Variants in HEPACAM2 observed in about 807,000 individuals in gnomAD.
HEPACAM2 encodes the protein HEPACAM family member 2.
Under a neutral mutation model 49.6 loss-of-function variants are expected in HEPACAM2, and 49 were observed. The observed-to-expected ratio is 0.99, with a 90% CI of 0.78 to 1.25. The LOEUF is 1.25. HEPACAM2 is among the 50% of genes most tolerant of loss of function. HEPACAM2 has a pLI of 0.00. For synonymous variants in HEPACAM2, 197 were observed against 202.9 expected, an observed-to-expected ratio of 0.97 and a Z score of 0.25; for missense variants, 525 against 557.2, an observed-to-expected ratio of 0.94 and a Z score of 0.58.
intron 4 of HEPACAM2, among the ~76,000 whole-genome samples, chr7:93,198,421 G>C (rs1167390722): frequency 6.6e-6 from 1 of 152,054 alleles, no homozygotes. Flanking sequence ...GTTATAAGTG[G>C]TAGAATCCAG....
chr7:93,192,856 C>T (rs965756282), intron 8 of HEPACAM2, among the ~76,000 whole-genome samples: 8 of 151,916 alleles, frequency 5.3e-5, no homozygotes, highest in African/African-American at 1.9e-4. Flanking sequence ...ATGTGGAACA[C>T]TCAAAGGAAA....
chr7:93,219,551 A>G, intron 1 of HEPACAM2, 100 bp from the exon 2 acceptor site: 2 of 1,559,264 alleles, frequency 1.3e-6, no homozygotes, highest in Non-Finnish European at 1.7e-6. Context: ...AATCCTTTTC[A>G]AAGAAGAGTG....
intron 7 of HEPACAM2, among the ~76,000 whole-genome samples, chr7:93,196,955 A>G (rs1376900710): frequency 1.3e-5 from 2 of 152,122 alleles, no homozygotes; most frequent in African/African-American, 4.8e-5. Context: ...CTTTGATCCT[A>G]CTGACTGTGG....
chr7:93,214,996 A>G (rs1794265674), intron 3 of HEPACAM2, among the ~76,000 whole-genome samples: 1 of 152,208 alleles, frequency 6.6e-6, no homozygotes, highest in South Asian at 2.1e-4. Context: ...TTTACAAGAG[A>G]AGAATAAAGT....
chr7:93,211,413 C>G (rs1794174277), intron 3 of HEPACAM2, among the ~76,000 whole-genome samples: 1 of 152,000 alleles, frequency 6.6e-6, no homozygotes, highest in East Asian at 1.9e-4. Flanking sequence ...GACACAGTCT[C>G]AGGTGAAACC....
intron 4 of HEPACAM2, among the ~76,000 whole-genome samples, chr7:93,204,324 C>CTCTATCTATCTA (rs67856013): frequency 2.5e-4 from 37 of 147,656 alleles, no homozygotes; most frequent in East Asian, 4.1e-4. Flanking sequence ...CATAAACATT[C>CTCTATCTATCTA]TCTATCTATC....
chr7:93,220,279 G>T (rs1794422040), intron 1 of HEPACAM2, among the ~76,000 whole-genome samples: 1 of 152,210 alleles, frequency 6.6e-6, no homozygotes, highest in Non-Finnish European at 1.5e-5. Flanking sequence ...TAGGGCTAGA[G>T]CAGGAACAGG....
At chr7:93,220,268 A>G (rs772600341) in intron 1 of HEPACAM2, among the ~76,000 whole-genome samples, 1 of 152,222 alleles carries the variant, frequency 6.6e-6, no homozygotes, top group Non-Finnish European at 1.5e-5. Context: ...ATACACAGGA[A>G]TAGGGCTAGA....
At chr7:93,198,219 A>G (rs1284867556) in intron 4 of HEPACAM2, among the ~76,000 whole-genome samples, 2 of 152,136 alleles carry the variant, frequency 1.3e-5, no homozygotes, top group Non-Finnish European at 2.9e-5. Context: ...ACTAGAATTC[A>G]CTTTGTTTTA....
At chr7:93,195,242 A>C (rs1407391726) in intron 8 of HEPACAM2, among the ~76,000 whole-genome samples, 1 of 152,002 alleles carries the variant, frequency 6.6e-6, no homozygotes, top group Non-Finnish European at 1.5e-5. Flanking sequence ...GTATTTATTT[A>C]TTTGAGACAG....
At chr7:93,229,607 C>A (rs1249926628), upstream of HEPACAM2, among the ~76,000 whole-genome samples, 2 of 152,158 alleles carry the variant, frequency 1.3e-5, no homozygotes, top group African/African-American at 2.4e-5. Flanking sequence ...TGAATCAGAT[C>A]AATTTACTTA....
At chr7:93,203,874 A>C (rs1174758258) in intron 4 of HEPACAM2, among the ~76,000 whole-genome samples, 21 of 152,088 alleles carry the variant, frequency 1.4e-4, no homozygotes, top group Admixed American at 1.4e-3. Context: ...TGCCACGTTG[A>C]GGAGTGTGCC....
chr7:93,226,256 T>TC (rs1219489219), intron 1 of HEPACAM2, 112 bp downstream of exon 1: 2 of 719,288 alleles, frequency 2.8e-6, no homozygotes, highest in Non-Finnish European at 2.4e-6. Context: ...TCTGACCTGC[T>TC]CTTCAATTAT....
Position 93,189,249 on chromosome 7 carries a change from T to C in HEPACAM2, c.*18A>G. 1 of 1,591,718 alleles carries C rather than the reference T, an allele frequency of 6.3e-7. No homozygotes were observed. The highest frequency in any genetic ancestry group is 8.6e-7 in the Non-Finnish European group (1 of 1,163,560). Reference sequence around the variant, plus strand: ...TCTTCAGAATTTCACTCGAATGTACTGTTTAGCCCATGAAAGTTCACCTAG... The same window carrying C: ...TCTTCAGAATTTCACTCGAATGTACCGTTTAGCCCATGAAAGTTCACCTAG... On this transcript the variant is annotated 3_prime_UTR_variant, in exon 10 of 10. Transcript: ENST00000394468.
At chr7:93,225,916 A>T (rs1794529972) in intron 1 of HEPACAM2, 1 of 1,437,384 alleles carries the variant, frequency 7.0e-7, no homozygotes. Context: ...GAGACAGATA[A>T]CTTAAAACGA....
At position 93,208,766 on chromosome 7, in the gene HEPACAM2, G is replaced by A. The variant is rs377542155; in HGVS notation, c.826C>T (p.Pro276Ser). Residue 276 changes from proline (P) to serine (S), a missense_variant, in exon 4 of 10, where the codon CCC (proline) becomes TCC (serine). Coordinates refer to ENST00000394468, the MANE Select transcript of HEPACAM2 (RefSeq NM_001039372.4). Reference sequence around the variant, plus strand: ...CTAATCCAGGAGTAGGTGTTGGGGGGATGAGAATCAGCAGAACAATCAAAT... The same window carrying A: ...CTAATCCAGGAGTAGGTGTTGGGGGAATGAGAATCAGCAGAACAATCAAAT... ...ILFDCSADSHPPNTYSWIRRT... is the reference protein window; with the variant it reads ...ILFDCSADSHSPNTYSWIRRT... 8.1e-6 allele frequency: 13 copies of A among 1,613,116 alleles called. No homozygotes were observed. The highest frequency in any genetic ancestry group is 2.2e-5 in the East Asian group (1 of 44,844).
At chr7:93,213,325 T>C (rs894976026) in intron 3 of HEPACAM2, among the ~76,000 whole-genome samples, 9 of 152,014 alleles carry the variant, frequency 5.9e-5, no homozygotes, top group African/African-American at 2.2e-4. Flanking sequence ...GATTATGACA[T>C]CACAACCTCA....
intron 3 of HEPACAM2, among the ~76,000 whole-genome samples, chr7:93,209,886 A>C (rs1794136554): frequency 6.6e-6 from 1 of 151,848 alleles, no homozygotes; most frequent in African/African-American, 2.4e-5. Context: ...ACAACATTTT[A>C]ACAGTTAAAG....
At chr7:93,222,361 T>C (rs1794467267) in intron 1 of HEPACAM2, among the ~76,000 whole-genome samples, 1 of 152,192 alleles carries the variant, frequency 6.6e-6, no homozygotes. Context: ...ATATGTAAAT[T>C]GGACCTTTCA....
Sources: gnomAD v4.1 joint callset for allele counts (sites outside exome capture counted in the v4.1 genomes callset) on GRCh38, gnomAD v4.1.1 for gene constraint, MANE v1.5 for transcripts, NCBI Gene and HGNC (gene_info 2026-07-23, HGNC 2026-07-21) for gene names.